TNXB: variants seen among roughly 807,000 people sequenced by gnomAD.
TNXB encodes tenascin XB, also known as tenascin-X.
A neutral mutation model predicts 340.5 loss-of-function variants in TNXB; 183 were observed. The ratio of observed to expected loss-of-function variants is 0.54; its 90% CI spans 0.48 to 0.61. The LOEUF (loss-of-function observed/expected upper bound fraction) is 0.61, where lower values mean the gene tolerates loss of function less well. Ranked by LOEUF, TNXB falls within the 20% of genes least tolerant of loss-of-function variation. TNXB has a pLI of 0.00. For synonymous variants in TNXB, 2,121 were observed against 2,314.5 expected (o/e 0.92, Z 2.40); for missense variants, 4,613 against 5,446.4 (o/e 0.85, Z 4.82).
chr6:32,081,885 G>C lies in TNXB; in HGVS notation c.3736+151C>G. 2 of 784,514 alleles carry C rather than the reference G, an allele frequency of 2.5e-6. No individual in the cohort carries two copies. Among genetic ancestry groups the C allele is most frequent in the South Asian group, 3.5e-5 (2 of 56,814 alleles). 48.6% of individuals were successfully genotyped at this position (784,514 alleles called of 1,614,324 possible). A position where few individuals can be genotyped will look rare whatever the true frequency, so the allele number is the denominator to read the frequency against. On this transcript the variant is annotated intron_variant, in intron 9 of 43. Transcript: ENST00000644971. The surrounding 1 kb of genome is among the most constrained non-coding windows in gnomAD (Gnocchi z 5.1). Reference sequence around the variant, plus strand: ...TGGGATGGAAGGGGCCCAGCAGTGCGGGGGAGTCTGGCTGCCCCTCAGCCC... The same window carrying C: ...TGGGATGGAAGGGGCCCAGCAGTGCCGGGGAGTCTGGCTGCCCCTCAGCCC...
At chr6:32,071,539 CCA>C (rs1778771269) in intron 13 of TNXB, among the ~76,000 whole-genome samples, 1 of 151,892 alleles carries the variant, frequency 6.6e-6, no homozygotes, top group Non-Finnish European at 1.5e-5. Context: ...GGAACTGGCC[CCA>C]CTCTCCTGGT....
At chr6:32,088,527 C>T (rs2127271759) in intron 6 of TNXB, among the ~76,000 whole-genome samples, 1 of 151,986 alleles carries the variant, frequency 6.6e-6, no homozygotes, top group African/African-American at 2.4e-5. Flanking sequence ...GGCAGCATCT[C>T]CTATTCACTT....
intron 18 of TNXB, among the ~76,000 whole-genome samples, chr6:32,065,824 A>T (rs548107938): frequency 1.1e-4 from 16 of 151,910 alleles, no homozygotes; most frequent in African/African-American, 1.7e-4. Flanking sequence ...TATTATTATT[A>T]TTTTTAGTAG....
chr6:32,089,508 A>G lies in TNXB; in HGVS notation c.2359-129T>C. On this transcript the variant is annotated intron_variant, in intron 4 of 43. Transcript: ENST00000644971. This position sits in a 1 kb window ranked among gnomAD's most constrained non-coding sequence, Gnocchi z 6.2. The stretch of plus-strand genomic sequence containing the variant: ...TACTGTGTGGAACTTGACCCTGTAC[A>G]AGCTGGGGAGCAAACATGCTGAGAG... 8.1e-7 allele frequency: 1 copy of G among 1,241,720 alleles called. No homozygotes were observed. The highest frequency in any genetic ancestry group is 1.1e-6 in the Non-Finnish European group (1 of 923,722). The allele number at this position is 1,241,720 out of a possible 1,614,324, so 76.9% of individuals were successfully genotyped here. A position where few individuals can be genotyped will look rare whatever the true frequency, so the allele number is the denominator to read the frequency against.
intron 1 of TNXB, among the ~76,000 whole-genome samples, chr6:32,103,469 A>T (rs571584238): frequency 6.6e-6 from 1 of 150,570 alleles, no homozygotes; most frequent in South Asian, 2.1e-4. Context: ...ACCTATCCCC[A>T]ATCTCACACC....
chr6:32,074,050 G>A lies in TNXB; in HGVS notation c.4376-98C>T, dbSNP rs1395928464. ...ATTTTTTATTTTTTATTTTTGAGAT[G>A]GAGTCTCGCTGTCACCCAGAGCAGT... On this transcript the variant is annotated intron_variant, in intron 11 of 43. Coordinates refer to ENST00000644971, the MANE Select transcript of TNXB (RefSeq NM_001365276.2). This position sits in a 1 kb window ranked among gnomAD's most constrained non-coding sequence, Gnocchi z 5.5. The A allele has an allele frequency of 8.3e-7, 1 of 1,201,252 alleles. No individual in the cohort carries two copies. Among genetic ancestry groups the A allele is most frequent in the African/African-American group, 1.5e-5 (1 of 65,080 alleles). The allele number at this position is 1,201,252 out of a possible 1,614,324, so 74.4% of individuals were successfully genotyped here.
chr6:32,043,952 A>G (rs1776644007), intron 34 of TNXB, 55 bp downstream of exon 34: 1 of 1,610,418 alleles, frequency 6.2e-7, no homozygotes, highest in African/African-American at 1.3e-5. Context: ...GAGGGTGGGC[A>G]GAGTGCAGGG....
chr6:32,089,159 G>A lies in TNXB; in HGVS notation c.2515+64C>T. On this transcript the variant is annotated intron_variant, in intron 5 of 43. Coordinates refer to ENST00000644971, the MANE Select transcript of TNXB (RefSeq NM_001365276.2). The surrounding 1 kb of genome is among the most constrained non-coding windows in gnomAD (Gnocchi z 6.2). The stretch of plus-strand genomic sequence containing the variant: ...CCCCTTCCTTCTGCCCTCCCGGAGG[G>A]CAGATTCCCTCTCTAGTCCAGATCT... 3 of 1,564,980 alleles carry A rather than the reference G, an allele frequency of 1.9e-6. No homozygotes were observed. Among genetic ancestry groups the A allele is most frequent in the Non-Finnish European group, 2.6e-6 (3 of 1,154,460 alleles).
rs1431346361 is a variant in TNXB at position 32,042,070 on chromosome 6, G to A, written c.12411C>T (p.His4137=). The A allele has an allele frequency of 3.8e-5, 21 of 549,636 alleles. No homozygotes were observed. Among genetic ancestry groups the A allele is most frequent in the African/African-American group, 3.3e-4 (10 of 30,048 alleles). The allele number at this position is 549,636 out of a possible 1,614,324, so 34.0% of individuals were successfully genotyped here. ...EAVFAQYDSF[H]VDSAAEYYRL... ...GGTAGTACTCCGCAGCCGAGTCTACGTGGAAGGAGTCGTACTGGGCGAACA... is the reference window on the plus strand; with the variant it reads ...GGTAGTACTCCGCAGCCGAGTCTACATGGAAGGAGTCGTACTGGGCGAACA... Residue 4137 remains histidine, a synonymous_variant, in exon 42 of 44, where the codon CAC becomes CAT. Coordinates refer to ENST00000644971, the MANE Select transcript of TNXB (RefSeq NM_001365276.2).
rs922286604 is a variant in TNXB, at chr6:32,058,183, C to G, written c.7700G>C (p.Arg2567Pro). ...GACCTTGCTCTCCTGGCCCCCAACA[C>G]GCACCGCCTGGGGCCGCCCGTCCCT... ...KDRDGRPQAV[R>P]VGGQESKVTV... The change falls in exon 22 of 44, where the codon CGT (arginine) becomes CCT (proline). Residue 2567 changes from arginine (R) to proline (P), a missense_variant. Transcript: ENST00000644971. This position sits in a 1 kb window ranked among gnomAD's most constrained non-coding sequence, Gnocchi z 5.1. 4 of 1,612,458 alleles carry G rather than the reference C, an allele frequency of 2.5e-6. No homozygotes were observed. In the East Asian group the frequency reaches 6.7e-5, roughly 27 times the overall value.
rs199569974 is a variant in TNXB, at chr6:32,085,953, G to A, written c.2945C>T (p.Thr982Ile). 376 of 1,608,292 alleles carry A rather than the reference G, an allele frequency of 2.3e-4. No homozygotes were observed. The African/African-American group carries it at 4.5e-3, about 19-fold the overall frequency. ...DETGRLRVVW[T>I]AQPDTFAYFQ... ...GTAGGCAAAGGTGTCAGGCTGGGCG[G>A]TCCAGACCACACGGAGGCGCCCTGT... Residue 982 changes from threonine (T) to isoleucine (I), a missense_variant, in exon 7 of 44, where the codon ACC (threonine) becomes ATC (isoleucine). Physicochemically the swap from Thr to Ile is moderately conservative, Grantham distance 89 (BLOSUM62 -1). Transcript: ENST00000644971. The surrounding 1 kb of genome is among the most constrained non-coding windows in gnomAD (Gnocchi z 6.4).
chr6:32,042,395 G>A, intron 40 of TNXB, 33 bp from the exon 41 acceptor site: 2 of 1,596,256 alleles, frequency 1.3e-6, no homozygotes, highest in Non-Finnish European at 8.5e-7. Context: ...ATCAGCCTCT[G>A]GCTCCCGGGG....
In TNXB at chr6:32,072,273, T is replaced by C; in HGVS notation, c.4707A>G (p.Thr1569=). Residue 1569 remains threonine (T), a synonymous_variant, in exon 13 of 44, where the codon ACA becomes ACG. Coordinates refer to ENST00000644971, the MANE Select transcript of TNXB (RefSeq NM_001365276.2). The surrounding 1 kb of genome is among the most constrained non-coding windows in gnomAD (Gnocchi z 4.4). The part of the protein sequence containing the change: ...VTAPLPPAPA[T]EASKPPLEPR... ...GCTCCAGGGGAGGCTTGGAGGCCTC[T>C]GTGGCTGGGGCTGGTGGGAGGGGAG... The C allele has an allele frequency of 6.2e-7, 1 of 1,603,824 alleles. No homozygotes were observed. The highest frequency in any genetic ancestry group is 8.5e-7 in the Non-Finnish European group (1 of 1,174,208).
chr6:32,084,321 G>C lies in TNXB; in HGVS notation c.3445+92C>G. The C allele has an allele frequency of 1.9e-6, 2 of 1,078,674 alleles. No individual in the cohort carries two copies. The highest frequency in any genetic ancestry group is 1.3e-6 in the Non-Finnish European group (1 of 799,744). 66.8% of individuals were successfully genotyped at this position (1,078,674 alleles called of 1,614,324 possible). On this transcript the variant is annotated intron_variant, in intron 8 of 43. Transcript: ENST00000644971. The surrounding 1 kb of genome is among the most constrained non-coding windows in gnomAD (Gnocchi z 5.5). ...GCTCATGCACCACTGCCTCCAGGAA[G>C]CCTTCCCGGAGCTCCCAAAGCAGGT...
In TNXB at chr6:32,056,872, A is replaced by T. The variant is rs1301992335; in HGVS notation, c.7857T>A (p.Pro2619=). The change falls in exon 23 of 44, where the codon CCT becomes CCA. Residue 2619 remains proline (P), a synonymous_variant. Transcript: ENST00000644971. ...TGATGGGGGGCTCAGGGGTCATGGT[A>T]GGCACTGCTTGGGTGGTCTCGGCTT... ...EDEAETTQAV[P]TMTPEPPIKP... 3.2e-5 allele frequency: 52 copies of T among 1,612,470 alleles called. No individual in the cohort carries two copies. Among genetic ancestry groups the T allele is most frequent in the Non-Finnish European group, 4.3e-5 (51 of 1,179,674 alleles).
At chr6:32,066,004 T>C (rs1314097170) in intron 18 of TNXB, among the ~76,000 whole-genome samples, 1 of 152,142 alleles carries the variant, frequency 6.6e-6, no homozygotes, top group Non-Finnish European at 1.5e-5. Context: ...CCTTTAAATA[T>C]TTAGTGATGA....
chr6:32,103,780 G>A (rs1780842960), intron 1 of TNXB, among the ~76,000 whole-genome samples: 1 of 148,530 alleles, frequency 6.7e-6, no homozygotes, highest in East Asian at 2.0e-4. Context: ...GCCCAGGCTG[G>A]AGTGCAGTGG....
At position 32,098,221 on chromosome 6, in the gene TNXB, G is replaced by A. The variant is rs878945534; in HGVS notation, c.-8-15C>T. 1.4e-6 allele frequency: 2 copies of A among 1,479,788 alleles called. No individual in the cohort carries two copies. Among genetic ancestry groups the A allele is most frequent in the Non-Finnish European group, 9.0e-7 (1 of 1,111,838 alleles). The allele number at this position is 1,479,788 out of a possible 1,614,324, so 91.7% of individuals were successfully genotyped here. On this transcript the variant is annotated splice_polypyrimidine_tract_variant and intron_variant, in intron 1 of 43. Coordinates refer to ENST00000644971, the MANE Select transcript of TNXB (RefSeq NM_001365276.2). ...CATTCAGGAGGCTGCAGGGAGAAAG[G>A]GTAGGTATGAGAGCAGCTTCAAAAA...
rs746437915 is a variant in TNXB, at chr6:32,052,901, C to T, written c.8884G>A (p.Gly2962Arg). The part of the protein sequence containing the change: ...EPLLGELTVT[G>R]SSPDSLSLSW... ...AGGCTCAGCGAGTCAGGGGAGGATC[C>T]TGTCACTGTCAGCTCCCCCAGGAGC... The change falls in exon 26 of 44, where the codon GGA becomes AGA. Residue 2962 changes from glycine to arginine, a missense_variant. Physicochemically the swap from Gly to Arg is moderately radical, Grantham distance 125. Around this residue, in one of 7 missense-constraint regions of TNXB, gnomAD observed 4,327 missense variants for 4,859.4 expected, o/e 0.89. Coordinates refer to ENST00000644971, the MANE Select transcript of TNXB (RefSeq NM_001365276.2). This position sits in a 1 kb window ranked among gnomAD's most constrained non-coding sequence, Gnocchi z 4.7. 1.9e-6 allele frequency: 3 copies of T among 1,612,862 alleles called. No individual in the cohort carries two copies. The highest frequency in any genetic ancestry group is 1.7e-5 in the Admixed American group (1 of 60,032).
Sources: allele counts gnomAD v4.1 joint callset (sites outside exome capture counted in the v4.1 genomes callset), GRCh38; gene constraint gnomAD v4.1.1; regional missense constraint gnomAD v4.1.1; non-coding constraint Gnocchi (gnomAD v3.1); transcripts MANE v1.5; gene names NCBI Gene and HGNC (gene_info 2026-07-23, HGNC 2026-07-21).